The following SGMS2 variants were observed in gnomAD, a reference collection of about 807,000 sequenced individuals.
The protein encoded by SGMS2 is phosphatidylcholine:ceramide cholinephosphotransferase 2.
SGMS2 carries 21 observed loss-of-function variants against 43.8 expected under a neutral mutation model. That is an observed-to-expected ratio of 0.48 (90% CI 0.34 to 0.69). The LOEUF (loss-of-function observed/expected upper bound fraction) is 0.69. SGMS2 is among the 30% of genes least tolerant of loss of function. SGMS2 has a pLI of 0.01. For missense variants in SGMS2, 384 were observed against 443.2 expected, an observed-to-expected ratio of 0.87 and a Z score of 1.20; for synonymous variants, 167 against 160.6, an observed-to-expected ratio of 1.04 and a Z score of -0.30.
intron 1 of SGMS2, among the ~76,000 whole-genome samples, chr4:107,844,763 T>G (rs574319499): frequency 1.3e-5 from 2 of 152,264 alleles, no homozygotes; most frequent in East Asian, 3.9e-4. Flanking sequence ...ATGAACCAAT[T>G]TTAGATTCTA....
chr4:107,899,831 G>A (rs1008936485), intron 4 of SGMS2, 139 bp downstream of exon 4: 2 of 508,272 alleles, frequency 3.9e-6, no homozygotes, highest in South Asian at 4.8e-5. Flanking sequence ...ATTTAGATTT[G>A]AGGGGAAGAA....
intron 2 of SGMS2, among the ~76,000 whole-genome samples, chr4:107,877,259 G>A (rs1728978120): frequency 6.6e-6 from 1 of 152,160 alleles, no homozygotes; most frequent in Non-Finnish European, 1.5e-5. Flanking sequence ...CTGGATGTCA[G>A]AAAGATATCC....
chr4:107,835,289 A>G (rs1049028273), intron 1 of SGMS2, among the ~76,000 whole-genome samples: 1 of 152,158 alleles, frequency 6.6e-6, no homozygotes, highest in Non-Finnish European at 1.5e-5. Context: ...CTTGTGTAGA[A>G]GTATAAAAAA....
chr4:107,892,990 G>A (rs1008004500), intron 2 of SGMS2: 2 of 152,044 alleles, frequency 1.3e-5, no homozygotes, highest in African/African-American at 4.8e-5. Flanking sequence ...AATGTGCTAT[G>A]TATATTTAAT....
intron 1 of SGMS2, among the ~76,000 whole-genome samples, chr4:107,841,705 C>T (rs1369360149): frequency 6.6e-6 from 1 of 151,868 alleles, no homozygotes; most frequent in Non-Finnish European, 1.5e-5. Flanking sequence ...ACTATGTTGC[C>T]TAGGCTGGAG....
intron 6 of SGMS2, among the ~76,000 whole-genome samples, chr4:107,909,250 T>G (rs1731895082): frequency 6.6e-6 from 1 of 151,882 alleles, no homozygotes; most frequent in African/African-American, 2.4e-5. Context: ...GGATTACAGG[T>G]GCACGACACC....
At chr4:107,828,851 C>T (rs1438244500) in intron 1 of SGMS2, among the ~76,000 whole-genome samples, 3 of 152,194 alleles carry the variant, frequency 2.0e-5, no homozygotes, top group Non-Finnish European at 2.9e-5. Flanking sequence ...TCTATGGAGT[C>T]GCACAGTGGA....
intron 1 of SGMS2, among the ~76,000 whole-genome samples, chr4:107,843,842 G>A (rs1325567593): frequency 1.3e-5 from 2 of 152,194 alleles, no homozygotes; most frequent in East Asian, 3.9e-4. Flanking sequence ...TTGAAATTGA[G>A]ATGTTTTCAT....
At chr4:107,849,317 C>G (rs1412211822) in intron 1 of SGMS2, among the ~76,000 whole-genome samples, 3 of 152,046 alleles carry the variant, frequency 2.0e-5, no homozygotes, top group Non-Finnish European at 4.4e-5. Flanking sequence ...TTACACTGTC[C>G]AGTACAGTAG....
rs1727515656 is a variant in SGMS2 at position 107,858,000 on chromosome 4, T to A, written c.-326-472T>A. Among the ~76,000 whole-genome samples the A allele has an allele frequency of 1.3e-5, 2 of 151,334 alleles. 1 individual carries two copies. Among genetic ancestry groups the A allele is most frequent in the South Asian group, 4.1e-4 (2 of 4,826 alleles). ...CTCTGCCTGGCTTACTCTTCTTTTG[T>A]AGCTGCCCCACCCCCCCCATCCCCA... On this transcript the variant is annotated intron_variant, in intron 1 of 6. Transcript: ENST00000690982.
chr4:107,857,271 A>C (rs1041505374), intron 1 of SGMS2, among the ~76,000 whole-genome samples: 1 of 152,068 alleles, frequency 6.6e-6, no homozygotes, highest in Non-Finnish European at 1.5e-5. Context: ...GTTGATGGAC[A>C]TTTGGGTTTT....
At chr4:107,905,510 G>A (rs754429446) in intron 5 of SGMS2, among the ~76,000 whole-genome samples, 3 of 152,190 alleles carry the variant, frequency 2.0e-5, no homozygotes, top group Admixed American at 6.5e-5. Flanking sequence ...GGGCCTTGAT[G>A]TAAATTAACT....
intron 1 of SGMS2, among the ~76,000 whole-genome samples, chr4:107,829,740 T>C (rs1408163689): frequency 6.6e-6 from 1 of 152,160 alleles, no homozygotes; most frequent in East Asian, 1.9e-4. Flanking sequence ...ATATTATTAT[T>C]CTTTTATTTT....
rs1019498935 is a variant in SGMS2, at chr4:107,913,550, A to T, written c.*2997A>T. On this transcript the variant is annotated 3_prime_UTR_variant, in exon 7 of 7. Transcript: ENST00000690982. ...ACACCACTTTTAAAAGCCTGTTTTC[A>T]AGTTTTTGAAAGGCATTTGTTTTCT... is the stretch of plus-strand genomic sequence containing the variant. 1 of 152,192 alleles carries T rather than the reference A, an allele frequency of 6.6e-6. No individual in the cohort carries two copies. The highest frequency in any genetic ancestry group is 1.5e-5 in the Non-Finnish European group (1 of 68,020). The allele number at this position is 152,192 out of a possible 1,614,324, so 9.4% of individuals were successfully genotyped here.
At position 107,869,115 on chromosome 4, in the gene SGMS2, G is replaced by A. The variant is rs77509834; in HGVS notation, c.-245+10562G>A. On this transcript the variant is annotated intron_variant, in intron 2 of 6. Coordinates refer to ENST00000690982, the MANE Select transcript of SGMS2 (RefSeq NM_001375905.1). ...TCTTAAGAAGCAGAAAGTTATAAAT[G>A]GAAATGAGTGTTTCTTTTTAAAAGG... 3.9e-3 allele frequency among the ~76,000 whole-genome samples: 599 copies of A among 152,246 alleles called. 5 individuals are homozygous for A. Among genetic ancestry groups the A allele is most frequent in the African/African-American group, 0.014 (564 of 41,524 alleles).
At chr4:107,887,878 C>T (rs1729880059) in intron 2 of SGMS2, among the ~76,000 whole-genome samples, 1 of 152,202 alleles carries the variant, frequency 6.6e-6, no homozygotes, top group East Asian at 1.9e-4. Flanking sequence ...TTAATTTTGA[C>T]CATAAGATAA....
rs189178051 is a variant in SGMS2 at position 107,903,405 on chromosome 4, C to T, written c.727+19C>T. The T allele has an allele frequency of 1.4e-4, 233 of 1,612,646 alleles. No homozygotes were observed. In the Middle Eastern group the frequency reaches 3.0e-3, roughly 21 times the overall value. ...AAAGAATGTAAGTAATAGCCCATTC[C>T]CACTGAACTGATAGCTGTAGTGGGA... On this transcript the variant is annotated intron_variant, in intron 5 of 6. Transcript: ENST00000690982.
At chr4:107,888,614 T>A (rs1161405347) in intron 2 of SGMS2, among the ~76,000 whole-genome samples, 4 of 152,122 alleles carry the variant, frequency 2.6e-5, no homozygotes, top group African/African-American at 4.8e-5. Flanking sequence ...AAAAAAAAAA[T>A]TATTTTTATA....
intron 4 of SGMS2, among the ~76,000 whole-genome samples, chr4:107,901,983 C>T (rs1010049703): frequency 5.3e-5 from 8 of 151,604 alleles, no homozygotes; most frequent in South Asian, 2.1e-4. Flanking sequence ...CTTGGCTCAC[C>T]GCAACCTCCA....
Sources: gnomAD v4.1 joint callset for allele counts (sites outside exome capture counted in the v4.1 genomes callset) on GRCh38, gnomAD v4.1.1 for gene constraint, MANE v1.5 for transcripts, NCBI Gene and HGNC (gene_info 2026-07-23, HGNC 2026-07-21) for gene names.